NLGN1: variants seen among roughly 807,000 people sequenced by gnomAD.
NLGN1 encodes neuroligin-1.
A neutral mutation model predicts 65.5 loss-of-function variants in NLGN1; 12 were observed. The observed-to-expected ratio is 0.18, with a 90% CI of 0.12 to 0.30. The LOEUF is 0.30. NLGN1 is among the 10% of genes least tolerant of loss of function. The probability of loss-of-function intolerance (pLI) is 1.00; values close to 1 mark genes in which losing one functional copy is unlikely to be tolerated. For missense variants in NLGN1, 750 were observed against 1,007.1 expected (o/e 0.74, Z 3.46); for synonymous variants, 350 against 359.5 (o/e 0.97, Z 0.30).
intron 3 of NLGN1, among the ~76,000 whole-genome samples, chr3:173,614,017 A>T (rs1419892287): frequency 1.5e-5 from 2 of 136,674 alleles, no homozygotes; most frequent in Non-Finnish European, 1.5e-5. Flanking sequence ...TCTTTGGAGT[A>T]GTTATTCCAC....
intron 4 of NLGN1, among the ~76,000 whole-genome samples, chr3:174,008,924 C>T (rs1724975956): frequency 6.6e-6 from 1 of 151,934 alleles, no homozygotes; most frequent in Non-Finnish European, 1.5e-5. Context: ...GAGCACCTGC[C>T]CTGTACTATA....
chr3:173,597,491 C>T (rs183905453), intron 2 of NLGN1, among the ~76,000 whole-genome samples: 18 of 152,174 alleles, frequency 1.2e-4, no homozygotes, highest in Admixed American at 9.8e-4. Flanking sequence ...TCAAACTGAA[C>T]GTGGAATTAA....
chr3:173,934,363 T>C (rs549496112), intron 4 of NLGN1, among the ~76,000 whole-genome samples: 2 of 151,098 alleles, frequency 1.3e-5, no homozygotes, highest in South Asian at 4.2e-4. Flanking sequence ...TCTAACTTGT[T>C]TATTTCATTT....
chr3:173,748,484 G>A (rs996169578), intron 3 of NLGN1, among the ~76,000 whole-genome samples: 1 of 152,072 alleles, frequency 6.6e-6, no homozygotes, highest in Non-Finnish European at 1.5e-5. Context: ...GAAGAAACTG[G>A]TTGGATTTTA....
At chr3:173,677,600 A>G (rs1436497950) in intron 3 of NLGN1, among the ~76,000 whole-genome samples, 1 of 152,106 alleles carries the variant, frequency 6.6e-6, no homozygotes, top group Admixed American at 6.6e-5. Flanking sequence ...TATAGATTTG[A>G]TAAGTTTATA....
intron 4 of NLGN1, among the ~76,000 whole-genome samples, chr3:174,068,821 G>C (rs1699415223): frequency 6.6e-6 from 1 of 152,090 alleles, no homozygotes; most frequent in African/African-American, 2.4e-5. Flanking sequence ...AGGTCAAATA[G>C]ATTTTTTATT....
Position 173,991,234 on chromosome 3 carries a change from T to A in NLGN1, c.646+183402T>A, listed in dbSNP as rs138500285. On this transcript the variant is annotated intron_variant, in intron 4 of 6. Transcript: ENST00000457714. The stretch of plus-strand genomic sequence containing the variant: ...TTACCCCTTCATTCTGCCAATAGAT[T>A]GATTTTTGAAATGTTAAAAAACCTT... Among the ~76,000 whole-genome samples, 350 of 152,302 alleles carry A rather than the reference T, an allele frequency of 2.3e-3. 1 individual carries two copies. Among genetic ancestry groups the A allele is most frequent in the Non-Finnish European group, 3.7e-3 (251 of 68,024 alleles).
rs144101960 is a variant in NLGN1 at position 173,892,961 on chromosome 3, T to C, written c.646+85129T>C. On this transcript the variant is annotated intron_variant, in intron 4 of 6. Transcript: ENST00000457714. ...CCTTTTCTAATATCTAAAATTAATC[T>C]GTATTATAACTATGCATCTTCTGAG... Among the ~76,000 whole-genome samples the C allele has an allele frequency of 3.0e-3, 452 of 152,310 alleles. 4 individuals are homozygous for C. Among genetic ancestry groups the C allele is most frequent in the African/African-American group, 0.011 (438 of 41,580 alleles).
chr3:173,676,843 T>C (rs1202503139), intron 3 of NLGN1, among the ~76,000 whole-genome samples: 2 of 152,148 alleles, frequency 1.3e-5, no homozygotes, highest in East Asian at 1.9e-4. Flanking sequence ...CCTTGGACTG[T>C]AGAACAATTC....
chr3:173,940,382 C>A (rs1227244668), intron 4 of NLGN1, among the ~76,000 whole-genome samples: 1 of 152,076 alleles, frequency 6.6e-6, no homozygotes, highest in Non-Finnish European at 1.5e-5. Flanking sequence ...AGCTACCATG[C>A]CCGGCCTCAA....
intron 2 of NLGN1, among the ~76,000 whole-genome samples, chr3:173,562,997 A>C (rs560793879): frequency 6.6e-6 from 1 of 152,298 alleles, no homozygotes; most frequent in African/African-American, 2.4e-5. Context: ...ACATACACAC[A>C]AAAACCATTC....
intron 4 of NLGN1, among the ~76,000 whole-genome samples, chr3:173,996,447 G>A (rs1722296135): frequency 1.3e-5 from 2 of 152,084 alleles, no homozygotes; most frequent in African/African-American, 4.8e-5. Context: ...AGTAAGTTAC[G>A]ATTTGGTGCT....
intron 4 of NLGN1, among the ~76,000 whole-genome samples, chr3:174,181,446 C>G (rs937754475): frequency 5.3e-5 from 8 of 152,130 alleles, no homozygotes; most frequent in African/African-American, 1.9e-4. Context: ...TCGCTGTTAC[C>G]TCTATCACAG....
At position 173,614,281 on chromosome 3, in the gene NLGN1, C is replaced by A. The variant is rs150964889; in HGVS notation, c.493+9190C>A. On this transcript the variant is annotated intron_variant, in intron 3 of 6. Transcript: ENST00000457714. ...GTTGACACTAGGACAAGTAATGTAACCCTGTCGAGTAGTAGTAACTATAGC... is the reference window on the plus strand; with the variant it reads ...GTTGACACTAGGACAAGTAATGTAAACCTGTCGAGTAGTAGTAACTATAGC... 3.7e-3 allele frequency among the ~76,000 whole-genome samples: 566 copies of A among 152,080 alleles called. 2 individuals carry two copies. The highest frequency in any genetic ancestry group is 0.013 in the African/African-American group (548 of 41,486).
At chr3:173,924,456 T>C (rs1335470133) in intron 4 of NLGN1, among the ~76,000 whole-genome samples, 1 of 151,940 alleles carries the variant, frequency 6.6e-6, no homozygotes, top group Non-Finnish European at 1.5e-5. Flanking sequence ...TGTATGATAG[T>C]AGGTCTTAAA....
chr3:173,651,981 A>T (rs1319395616), intron 3 of NLGN1, among the ~76,000 whole-genome samples: 1 of 152,018 alleles, frequency 6.6e-6, no homozygotes, highest in Non-Finnish European at 1.5e-5. Flanking sequence ...TCTAGTAGAG[A>T]TGGGATTTCA....
chr3:174,217,622 A>T (rs905050957), intron 4 of NLGN1, among the ~76,000 whole-genome samples: 1 of 152,030 alleles, frequency 6.6e-6, no homozygotes, highest in African/African-American at 2.4e-5. Flanking sequence ...CTTTCATGAC[A>T]TAATTACCTC....
At chr3:173,752,085 A>T (rs1262033233) in intron 3 of NLGN1, among the ~76,000 whole-genome samples, 4 of 152,112 alleles carry the variant, frequency 2.6e-5, no homozygotes, top group Non-Finnish European at 5.9e-5. Context: ...AGGCCTATGG[A>T]CATATGCCCT....
chr3:174,165,308 C>G (rs576051205), intron 4 of NLGN1, among the ~76,000 whole-genome samples: 2 of 152,100 alleles, frequency 1.3e-5, no homozygotes, highest in African/African-American at 4.8e-5. Context: ...CAGTTTTTTG[C>G]CCATTCAGTA....
Sources: allele counts gnomAD v4.1 joint callset (sites outside exome capture counted in the v4.1 genomes callset), GRCh38; gene constraint gnomAD v4.1.1; transcripts MANE v1.5; gene names NCBI Gene and HGNC (gene_info 2026-07-23, HGNC 2026-07-21).